Variants in ABCA13 observed in about 807,000 individuals in gnomAD.
ABCA13 encodes ATP binding cassette subfamily A member 13.
In ABCA13, 476 loss-of-function variants were observed where a neutral mutation model predicts 478.7. The observed-to-expected ratio is 0.99, with a 90% CI of 0.92 to 1.07. The LOEUF (loss-of-function observed/expected upper bound fraction) is 1.07. Ranked by LOEUF, ABCA13 falls within the 50% of genes least tolerant of loss-of-function variation. The pLI is 0.00. For missense variants in ABCA13, 6,060 were observed against 5,910.6 expected (o/e 1.03, Z -0.83); for synonymous variants, 2,252 against 2,158.9 (o/e 1.04, Z -1.20).
At position 48,489,119 on chromosome 7, in the gene ABCA13, G is replaced by C. The variant is rs1331120624; in HGVS notation, c.13183-117G>C. ...ATGCAGGAACATTACTTTGAATCCT[G>C]CACTCAGGTGCCTTGGAAGTTAATT... On this transcript the variant is annotated intron_variant, in intron 47 of 61. Coordinates refer to ENST00000435803, the MANE Select transcript of ABCA13 (RefSeq NM_152701.5). 10 of 754,380 alleles carry C rather than the reference G, an allele frequency of 1.3e-5. No individual in the cohort carries two copies. The Admixed American group carries it at 1.8e-4, about 13-fold the overall frequency. 46.7% of individuals were successfully genotyped at this position (754,380 alleles called of 1,614,324 possible). A position where few individuals can be genotyped will look rare whatever the true frequency, so the allele number is the denominator to read the frequency against.
At chr7:48,199,183 A>G (rs1169980054) in intron 3 of ABCA13, among the ~76,000 whole-genome samples, 1 of 152,264 alleles carries the variant, frequency 6.6e-6, no homozygotes, top group African/African-American at 2.4e-5. Flanking sequence ...ACTCTAAGTT[A>G]CAAGAGGAAA....
At chr7:48,558,986 C>G (rs1490703048) in intron 55 of ABCA13, among the ~76,000 whole-genome samples, 2 of 152,300 alleles carry the variant, frequency 1.3e-5, no homozygotes, top group African/African-American at 2.4e-5. Context: ...TTGGCCCCCT[C>G]TCAGCTGCTA....
In ABCA13 at chr7:48,275,054, A is replaced by G. The variant is rs1796115209; in HGVS notation, c.5388A>G (p.Lys1796=). 1 of 1,613,510 alleles carries G rather than the reference A, an allele frequency of 6.2e-7. No individual in the cohort carries two copies. The highest frequency in any genetic ancestry group is 1.3e-5 in the African/African-American group (1 of 74,924). Reference sequence around the variant, plus strand: ...AGGAAGACTTCGCAATTGTGATAAAAATTCTTTTGGATACAATTGAATTAG... The same window carrying G: ...AGGAAGACTTCGCAATTGTGATAAAGATTCTTTTGGATACAATTGAATTAG... The part of the protein sequence containing the change: ...ITKEDFAIVI[K]ILLDTIELVS... Residue 1796 remains lysine, a synonymous_variant, in exon 17 of 62, where the codon AAA becomes AAG. Transcript: ENST00000435803.
chr7:48,591,983 T>C (rs1390484646), intron 57 of ABCA13, among the ~76,000 whole-genome samples: 2 of 151,926 alleles, frequency 1.3e-5, no homozygotes, highest in East Asian at 1.9e-4. Flanking sequence ...TTAGGACTTC[T>C]AGTATTATGT....
In ABCA13 at chr7:48,278,582, C is replaced by A. The variant is rs765507453; in HGVS notation, c.7388C>A (p.Ser2463Ter). 2.5e-6 allele frequency: 4 copies of A among 1,613,836 alleles called. No homozygotes were observed. The highest frequency in any genetic ancestry group is 3.4e-6 in the Non-Finnish European group (4 of 1,179,844). ...GATTTGCTTTTCTTTATAAATAATT[C>A]ATTCCCTCTAAGAAACAGAGCAACA... ...LTDLLFFINNSFPLRNRATLE... is the reference protein window; with the variant it reads ...LTDLLFFINN Residue 2463 changes from serine (S) to a stop codon, truncating the protein, a stop_gained, in exon 18 of 62, where the codon TCA becomes TAA. Transcript: ENST00000435803. LOFTEE classifies it high-confidence loss of function.
intron 54 of ABCA13, among the ~76,000 whole-genome samples, chr7:48,526,084 G>C (rs1832874530): frequency 6.6e-6 from 1 of 152,146 alleles, no homozygotes; most frequent in Non-Finnish European, 1.5e-5. Flanking sequence ...AGGTAGGACA[G>C]ATAACTTCTT....
intron 45 of ABCA13, among the ~76,000 whole-genome samples, chr7:48,474,450 C>T (rs991321631): frequency 6.6e-6 from 1 of 152,196 alleles, no homozygotes; most frequent in African/African-American, 2.4e-5. Flanking sequence ...GCCCGAAAGT[C>T]AGGCATTATC....
At chr7:48,181,772 T>G (rs888552788) in intron 1 of ABCA13, among the ~76,000 whole-genome samples, 3 of 152,208 alleles carry the variant, frequency 2.0e-5, no homozygotes, top group Non-Finnish European at 4.4e-5. Context: ...TTCTAATATT[T>G]TGTAGGATTA....
At chr7:48,522,755 C>G (rs924916030) in intron 53 of ABCA13, among the ~76,000 whole-genome samples, 1 of 152,142 alleles carries the variant, frequency 6.6e-6, no homozygotes, top group Non-Finnish European at 1.5e-5. Context: ...TGGGCCCCTC[C>G]CTAGAACTCT....
At chr7:48,611,913 T>G (rs1792063717) in intron 58 of ABCA13, 1 of 152,226 alleles carries the variant, frequency 6.6e-6, no homozygotes, top group African/African-American at 2.4e-5. Context: ...TAAAGAAATA[T>G]GTGTTTGTAC....
intron 38 of ABCA13, among the ~76,000 whole-genome samples, chr7:48,401,097 C>T (rs996736240): frequency 6.6e-6 from 1 of 152,146 alleles, no homozygotes; most frequent in Admixed American, 6.5e-5. Context: ...AAGCTTTTAA[C>T]AATATATGCT....
intron 47 of ABCA13, among the ~76,000 whole-genome samples, chr7:48,485,862 C>T (rs991973893): frequency 2.6e-5 from 4 of 152,164 alleles, no homozygotes; most frequent in Non-Finnish European, 5.9e-5. Flanking sequence ...TTCCCCAGCT[C>T]ATCATCTGCA....
intron 42 of ABCA13, among the ~76,000 whole-genome samples, chr7:48,433,769 G>C (rs58713664): frequency 0.16 from 24,392 of 151,998 alleles, 2,008 homozygotes; most frequent in East Asian, 0.26. Flanking sequence ...GTATCATACA[G>C]TATTTGCCCT....
intron 55 of ABCA13, among the ~76,000 whole-genome samples, chr7:48,538,391 G>A (rs567932488): frequency 7.9e-5 from 12 of 152,092 alleles, no homozygotes; most frequent in South Asian, 4.2e-4. Context: ...GTGAGCCATC[G>A]CGCCCAGCCT....
In ABCA13 at chr7:48,240,886, A is replaced by G; in HGVS notation, c.1082A>G (p.Gln361Arg). The G allele has an allele frequency of 6.4e-7, 1 of 1,551,406 alleles. No homozygotes were observed. Among genetic ancestry groups the G allele is most frequent in the Non-Finnish European group, 8.7e-7 (1 of 1,147,024 alleles). Residue 361 changes from glutamine to arginine, a missense_variant, in exon 10 of 62, where the codon CAG becomes CGG. Gln to Arg is a conservative substitution (Grantham distance 43). Around this residue, in one of 3 missense-constraint regions of ABCA13, gnomAD observed 4,423 missense variants for 4,309.1 expected, o/e 1.03. Coordinates refer to ENST00000435803, the MANE Select transcript of ABCA13 (RefSeq NM_152701.5). Reference protein sequence around the residue: ...VYQQVFVQWQQGSLLQKTLTG... With the variant: ...VYQQVFVQWQRGSLLQKTLTG... ...TTGTAGGTGTTTGTTCAGTGGCAAC[A>G]GGGTAGCCTGCTTCAGAAGACACTC...
At chr7:48,435,015 A>G (rs1228063045) in intron 42 of ABCA13, among the ~76,000 whole-genome samples, 1 of 151,846 alleles carries the variant, frequency 6.6e-6, no homozygotes. Context: ...TATGGATTTT[A>G]AGATTAATAT....
chr7:48,316,976 T>G (rs1032861472), intron 26 of ABCA13, among the ~76,000 whole-genome samples, 181 bp from the exon 27 acceptor site: 9 of 152,148 alleles, frequency 5.9e-5, no homozygotes, highest in Non-Finnish European at 1.2e-4. Context: ...GGATCAAATT[T>G]CAACTTGAGG....
chr7:48,346,554 C>G (rs1808137600), intron 29 of ABCA13, among the ~76,000 whole-genome samples: 1 of 150,414 alleles, frequency 6.6e-6, no homozygotes, highest in Admixed American at 6.6e-5. Context: ...TTTTGGTTTT[C>G]TATTTTCTAG....
Position 48,370,865 on chromosome 7 carries a change from A to G in ABCA13, c.10804-1303A>G, listed in dbSNP as rs1037560729. On this transcript the variant is annotated intron_variant, in intron 32 of 61. Transcript: ENST00000435803. The stretch of plus-strand genomic sequence containing the variant: ...ATAGAAACCCAAACCTAGCAGAAGA[A>G]AAGAAATAACAAAGATGAGAGAATA... 3.3e-4 allele frequency among the ~76,000 whole-genome samples: 50 copies of G among 152,200 alleles called. 1 individual carries two copies. Among genetic ancestry groups the G allele is most frequent in the African/African-American group, 7.2e-5 (3 of 41,452 alleles).
Sources: allele counts gnomAD v4.1 joint callset (sites outside exome capture counted in the v4.1 genomes callset), GRCh38; gene constraint gnomAD v4.1.1; regional missense constraint gnomAD v4.1.1; transcripts MANE v1.5; gene names NCBI Gene and HGNC (gene_info 2026-07-23, HGNC 2026-07-21).